The following LINGO2 variants were observed in gnomAD, a reference collection of about 807,000 sequenced individuals.
LINGO2 encodes leucine rich repeat and Ig domain containing 2, also known as leucine-rich repeat and immunoglobulin-like domain-containing nogo receptor-interacting protein 2.
LINGO2 carries 14 observed loss-of-function variants against 30.6 expected under a neutral mutation model. The observed-to-expected ratio is 0.46, with a 90% CI of 0.30 to 0.72. LINGO2 has a LOEUF of 0.72. LINGO2 is among the 30% of genes least tolerant of loss of function. The probability of loss-of-function intolerance (pLI) is 0.07; values close to 1 mark genes in which losing one functional copy is unlikely to be tolerated. For synonymous variants in LINGO2, 317 were observed against 288.5 expected (o/e 1.10, Z -1.00); for missense variants, 729 against 751.7 (o/e 0.97, Z 0.35).
chr9:28,502,376 T>C (rs1242223794), intron 1 of LINGO2, among the ~76,000 whole-genome samples: 1 of 152,076 alleles, frequency 6.6e-6, no homozygotes, highest in Non-Finnish European at 1.5e-5. Context: ...CTCATTCATT[T>C]TTCTGATTTC....
At chr9:27,961,721 G>C (rs986277641) in intron 5 of LINGO2, among the ~76,000 whole-genome samples, 2 of 152,178 alleles carry the variant, frequency 1.3e-5, no homozygotes, top group African/African-American at 4.8e-5. Flanking sequence ...ACTTGAAGCT[G>C]ATCACTCAGG....
the LINGO2 span, among the ~76,000 whole-genome samples, chr9:28,946,086 C>A: frequency 1.3e-5 from 2 of 152,026 alleles, no homozygotes; most frequent in Non-Finnish European, 2.9e-5. Context: ...TGAAAGATCA[C>A]CAGTAATGTT....
chr9:28,303,097 A>G (rs1366301422), intron 3 of LINGO2, among the ~76,000 whole-genome samples: 2 of 152,136 alleles, frequency 1.3e-5, no homozygotes, highest in Non-Finnish European at 2.9e-5. Context: ...TCTATTTCTA[A>G]TAGTTCCTTC....
intron 4 of LINGO2, among the ~76,000 whole-genome samples, chr9:28,258,503 C>T (rs891757643): frequency 2.0e-5 from 3 of 151,876 alleles, no homozygotes; most frequent in African/African-American, 7.3e-5. Flanking sequence ...ATTGAAAACA[C>T]ACACACACCC....
intron 4 of LINGO2, among the ~76,000 whole-genome samples, chr9:28,091,095 C>T (rs1470140209): frequency 2.0e-5 from 3 of 152,152 alleles, no homozygotes; most frequent in Admixed American, 6.5e-5. Flanking sequence ...ACATTCCATG[C>T]TCATGGATAG....
chr9:28,903,568 T>C, the LINGO2 span, among the ~76,000 whole-genome samples: 4 of 152,148 alleles, frequency 2.6e-5, no homozygotes, highest in African/African-American at 7.2e-5. Context: ...CTCAAACTCC[T>C]GGGCTCAAGG....
chr9:28,870,393 TCTC>T, the LINGO2 span, among the ~76,000 whole-genome samples: 1 of 152,022 alleles, frequency 6.6e-6, no homozygotes, highest in African/African-American at 2.4e-5. Context: ...TTCTTGCATT[TCTC>T]CTCCTAGAAA....
At chr9:28,173,895 C>A (rs1168740891) in intron 4 of LINGO2, among the ~76,000 whole-genome samples, 1 of 152,014 alleles carries the variant, frequency 6.6e-6, no homozygotes, top group Non-Finnish European at 1.5e-5. Context: ...CAACTGGACA[C>A]AATATTAGGA....
chr9:27,986,707 T>C lies in LINGO2; in HGVS notation c.-36+25648A>G, dbSNP rs532168305. Among the ~76,000 whole-genome samples the C allele has an allele frequency of 2.6e-5, 4 of 151,898 alleles. No individual in the cohort carries two copies. In the South Asian group the frequency reaches 8.3e-4, roughly 32 times the overall value. ...AGTGCTCGTCCCTCCTTGAGCACTT[T>C]CTCCTTAAAGGCTGTAAAACTAGTT... On this transcript the variant is annotated intron_variant, in intron 5 of 5. Coordinates refer to ENST00000379992, the Ensembl canonical transcript of LINGO2.
chr9:28,010,194 T>C (rs972138859), intron 5 of LINGO2, among the ~76,000 whole-genome samples: 2 of 152,220 alleles, frequency 1.3e-5, no homozygotes, highest in Non-Finnish European at 2.9e-5. Context: ...GTGTACATCA[T>C]TGTGAATATT....
At chr9:28,767,785 CAAAAAAAAAA>C in the LINGO2 span, among the ~76,000 whole-genome samples, 10 of 97,104 alleles carry the variant, frequency 1.0e-4, no homozygotes, top group South Asian at 4.2e-4. Context: ...GACTCCATTT[CAAAAAAAAAA>C]AAAAAAAAAA....
chr9:29,187,780 ATTTTTT>A, the LINGO2 span, among the ~76,000 whole-genome samples: 22 of 118,848 alleles, frequency 1.9e-4, no homozygotes, highest in African/African-American at 6.1e-4. Flanking sequence ...ATACATTTCA[ATTTTTT>A]TTTTTTTTTT....
At chr9:28,174,494 G>A (rs1828687800) in intron 4 of LINGO2, among the ~76,000 whole-genome samples, 1 of 151,820 alleles carries the variant, frequency 6.6e-6, no homozygotes, top group Non-Finnish European at 1.5e-5. Context: ...CAGACATACA[G>A]GTACACACAC....
intron 1 of LINGO2, among the ~76,000 whole-genome samples, chr9:28,552,004 T>A (rs1822311671): frequency 6.6e-6 from 1 of 152,126 alleles, no homozygotes; most frequent in African/African-American, 2.4e-5. Context: ...ATTGTACGAT[T>A]TTTAAATTGT....
Position 28,389,014 on chromosome 9 carries a change from T to A in LINGO2, c.-278-16146A>T, listed in dbSNP as rs79553184. The stretch of plus-strand genomic sequence containing the variant: ...CCTGGTTTTTGTTTTTCTTCACTCA[T>A]TGTCAAGGCTCAAGGAAGACAATTA... On this transcript the variant is annotated intron_variant, in intron 2 of 5. Transcript: ENST00000379992. Among the ~76,000 whole-genome samples the A allele has an allele frequency of 3.9e-5, 6 of 152,264 alleles. No individual in the cohort carries two copies. The East Asian group carries it at 1.2e-3, about 29-fold the overall frequency.
At chr9:28,963,543 T>TACACACAC in the LINGO2 span, among the ~76,000 whole-genome samples, 12,668 of 140,720 alleles carry the variant, frequency 0.09, 632 homozygotes, top group African/African-American at 0.11. Context: ...GGTATATGAA[T>TACACACAC]ACACACACAC....
At chr9:28,010,079 C>T (rs553045291) in intron 5 of LINGO2, among the ~76,000 whole-genome samples, 18 of 152,022 alleles carry the variant, frequency 1.2e-4, no homozygotes, top group South Asian at 1.0e-3. Context: ...ATGCTACAAT[C>T]GGGATGAATC....
intron 1 of LINGO2, among the ~76,000 whole-genome samples, chr9:28,540,718 A>G (rs2135460894): frequency 1.3e-5 from 2 of 152,348 alleles, no homozygotes; most frequent in Middle Eastern, 3.4e-3. Context: ...AGGCGTGATC[A>G]TCACTCCACC....
intron 1 of LINGO2, among the ~76,000 whole-genome samples, chr9:28,525,866 T>C (rs779782777): frequency 9.2e-5 from 14 of 152,046 alleles, no homozygotes; most frequent in East Asian, 1.9e-4. Flanking sequence ...CCATCCTGGC[T>C]AACGCGGTGA....
Sources: gnomAD v4.1 joint callset for allele counts (sites outside exome capture counted in the v4.1 genomes callset) on GRCh38, gnomAD v4.1.1 for gene constraint, MANE v1.5 for transcripts, NCBI Gene and HGNC (gene_info 2026-07-23, HGNC 2026-07-21) for gene names.